The following RHBDL3 variants were observed in gnomAD, a reference collection of about 807,000 sequenced individuals.
RHBDL3 encodes rhomboid-related protein 3.
A neutral mutation model predicts 48.2 loss-of-function variants in RHBDL3; 28 were observed. The observed-to-expected ratio is 0.58, with a 90% CI of 0.43 to 0.80. The LOEUF (loss-of-function observed/expected upper bound fraction) is 0.80, where lower values mean the gene tolerates loss of function less well. Ranked by LOEUF, RHBDL3 falls within the 30% of genes least tolerant of loss-of-function variation. The pLI is 0.00. For synonymous variants in RHBDL3, 208 were observed against 232.3 expected (o/e 0.90, Z 0.95); for missense variants, 464 against 542.7 (o/e 0.85, Z 1.44).
At chr17:32,315,137 G>A (rs2040940744) in intron 7 of RHBDL3, among the ~76,000 whole-genome samples, 1 of 152,212 alleles carries the variant, frequency 6.6e-6, no homozygotes, top group African/African-American at 2.4e-5. Context: ...AGTGTTCAGG[G>A]CCTCTGTAAA....
In RHBDL3 at chr17:32,283,196, G is replaced by A. The variant is rs2040099456; in HGVS notation, c.136-1463G>A. Reference sequence around the variant, plus strand: ...CACCTTCTGAACAAGAAAGCTCCTGGCGTCCAGGAGATGCTTGGTGTTAAA... The same window carrying A: ...CACCTTCTGAACAAGAAAGCTCCTGACGTCCAGGAGATGCTTGGTGTTAAA... On this transcript the variant is annotated intron_variant, in intron 2 of 8. Coordinates refer to ENST00000269051, the MANE Select transcript of RHBDL3 (RefSeq NM_138328.3). 2.0e-5 allele frequency among the ~76,000 whole-genome samples: 3 copies of A among 152,054 alleles called. No homozygotes were observed. In the South Asian group the frequency reaches 6.2e-4, roughly 32 times the overall value.
intron 7 of RHBDL3, among the ~76,000 whole-genome samples, chr17:32,312,681 C>G (rs1478751299): frequency 6.6e-6 from 1 of 152,044 alleles, no homozygotes; most frequent in Non-Finnish European, 1.5e-5. Flanking sequence ...CCACACCCAG[C>G]TAATTTTTTT....
In RHBDL3 at chr17:32,288,934, G is replaced by T. The variant is rs762346732; in HGVS notation, c.437G>T (p.Arg146Leu). 3 of 1,614,194 alleles carry T rather than the reference G, an allele frequency of 1.9e-6. No homozygotes were observed. In the African/African-American group the frequency reaches 4.0e-5, roughly 22 times the overall value. Reference protein sequence around the residue: ...IRHVAYETLPREIDRKWYYDS... With the variant: ...IRHVAYETLPLEIDRKWYYDS... The stretch of plus-strand genomic sequence containing the variant: ...CATGTGGCCTATGAGACCCTGCCCC[G>T]GGAAATTGACCGCAAGTGGTACTAT... Residue 146 changes from arginine (R) to leucine (L), a missense_variant, in exon 4 of 9, where the codon CGG becomes CTG. Arg to Leu is a moderately radical substitution (Grantham distance 102). Coordinates refer to ENST00000269051, the MANE Select transcript of RHBDL3 (RefSeq NM_138328.3).
intron 7 of RHBDL3, among the ~76,000 whole-genome samples, chr17:32,306,348 C>T (rs1237345042): frequency 1.3e-5 from 2 of 152,026 alleles, no homozygotes; most frequent in African/African-American, 4.8e-5. Flanking sequence ...TGCTTGAACC[C>T]GGGAGGCGGA....
At position 32,321,009 on chromosome 17, in the gene RHBDL3, A is replaced by G; in HGVS notation, c.995A>G (p.Tyr332Cys). 1 of 1,614,118 alleles carries G rather than the reference A, an allele frequency of 6.2e-7. No individual in the cohort carries two copies. The highest frequency in any genetic ancestry group is 1.1e-5 in the South Asian group (1 of 91,072). Residue 332 changes from tyrosine (Y) to cysteine (C), a missense_variant, in exon 9 of 9, where the codon TAT (tyrosine) becomes TGT (cysteine). By Grantham distance (194) the Tyr-to-Cys change is radical. Coordinates refer to ENST00000269051, the MANE Select transcript of RHBDL3 (RefSeq NM_138328.3). ...TGGCTCCGCTTCCACCCGTCGGCCT[A>G]TCCCCCGTGCCCTCACCCAAGCTTT... ...AVWLRFHPSA[Y>C]PPCPHPSFVA...
At chr17:32,292,456 T>G (rs1215697830) in intron 4 of RHBDL3, among the ~76,000 whole-genome samples, 1 of 152,054 alleles carries the variant, frequency 6.6e-6, no homozygotes, top group Non-Finnish European at 1.5e-5. Context: ...TTATTCACAA[T>G]AGTCAAAAGG....
chr17:32,307,904 G>T (rs543673874), intron 7 of RHBDL3, among the ~76,000 whole-genome samples: 1 of 151,502 alleles, frequency 6.6e-6, no homozygotes, highest in South Asian at 2.1e-4. Flanking sequence ...CTCCCATTCC[G>T]CCCAAGACTT....
Position 32,301,308 on chromosome 17 carries a change from C to T in RHBDL3, c.781+3104C>T, listed in dbSNP as rs2040576957. On this transcript the variant is annotated intron_variant, in intron 6 of 8. Transcript: ENST00000269051. ...TTGGGCCGGGCAAAGTGGCTCACTC[C>T]TGTAATCCCAGCACTTTGGGAGGCT... Among the ~76,000 whole-genome samples the T allele has an allele frequency of 2.0e-5, 3 of 152,012 alleles. No individual in the cohort carries two copies. In the South Asian group the frequency reaches 6.2e-4, roughly 32 times the overall value.
chr17:32,274,159 G>A (rs1319305071), intron 2 of RHBDL3, among the ~76,000 whole-genome samples: 1 of 152,256 alleles, frequency 6.6e-6, no homozygotes, highest in African/African-American at 2.4e-5. Context: ...AGAGAGAAAG[G>A]AGAGAAGGTT....
chr17:32,317,075 G>A (rs893997945), intron 8 of RHBDL3, among the ~76,000 whole-genome samples: 3 of 151,956 alleles, frequency 2.0e-5, no homozygotes, highest in Non-Finnish European at 4.4e-5. Flanking sequence ...GTTTCACCAT[G>A]TTGGCCAGGC....
rs763442132 is a variant in RHBDL3, at chr17:32,321,006, C to T, written c.992C>T (p.Ala331Val). 3 of 1,614,068 alleles carry T rather than the reference C, an allele frequency of 1.9e-6. No homozygotes were observed. The highest frequency in any genetic ancestry group is 2.5e-6 in the Non-Finnish European group (3 of 1,180,034). ...RAVWLRFHPS[A>V]YPPCPHPSFV... Reference sequence around the variant, plus strand: ...GTGTGGCTCCGCTTCCACCCGTCGGCCTATCCCCCGTGCCCTCACCCAAGC... The same window carrying T: ...GTGTGGCTCCGCTTCCACCCGTCGGTCTATCCCCCGTGCCCTCACCCAAGC... Residue 331 changes from alanine (A) to valine (V), a missense_variant, in exon 9 of 9, where the codon GCC becomes GTC. Ala to Val is a moderately conservative substitution (Grantham distance 64, BLOSUM62 0). Coordinates refer to ENST00000269051, the MANE Select transcript of RHBDL3 (RefSeq NM_138328.3).
At chr17:32,295,809 T>C (rs1056451998) in intron 5 of RHBDL3, among the ~76,000 whole-genome samples, 1 of 152,214 alleles carries the variant, frequency 6.6e-6, no homozygotes, top group Non-Finnish European at 1.5e-5. Flanking sequence ...AGCACCTGAT[T>C]GATTTAGTAA....
intron 2 of RHBDL3, 124 bp from the exon 3 acceptor site, chr17:32,284,535 A>C (rs1053700247): frequency 1.5e-5 from 13 of 843,206 alleles, no homozygotes; most frequent in Non-Finnish European, 2.3e-5. Flanking sequence ...TCTCCCAGAC[A>C]CTGAGCCTCT....
chr17:32,298,286 G>A (rs1356601580), intron 6 of RHBDL3, 82 bp downstream of exon 6: 14 of 859,216 alleles, frequency 1.6e-5, no homozygotes, highest in Non-Finnish European at 2.3e-5. Flanking sequence ...GCAAGCCCCA[G>A]GTTTCCAGGA....
chr17:32,313,665 A>G (rs2040896479), intron 7 of RHBDL3, among the ~76,000 whole-genome samples: 1 of 147,516 alleles, frequency 6.8e-6, no homozygotes, highest in African/African-American at 2.5e-5. Flanking sequence ...ATCATACAGT[A>G]TTTAGCTTTC....
Position 32,305,434 on chromosome 17 carries a change from T to C in RHBDL3, c.875T>C (p.Ile292Thr). 1.2e-6 allele frequency: 2 copies of C among 1,605,564 alleles called. No individual in the cohort carries two copies. The highest frequency in any genetic ancestry group is 1.3e-5 in the African/African-American group (1 of 74,868). ...CTCGTCTCTGCCCATCTGGCCAACA[T>C]TGTCATGGTGAGCACCTCCCGTTCT... ...YALVSAHLAN[I>T]VMNWSGMKCQ... The change falls in exon 7 of 9, where the codon ATT (isoleucine) becomes ACT (threonine). Residue 292 changes from isoleucine (I) to threonine (T), a missense_variant. Ile to Thr is a moderately conservative substitution (Grantham distance 89). Coordinates refer to ENST00000269051, the MANE Select transcript of RHBDL3 (RefSeq NM_138328.3).
At position 32,307,509 on chromosome 17, in the gene RHBDL3, A is replaced by G. The variant is rs1052804057; in HGVS notation, c.882+2068A>G. ...AAATGCCCATTGTACATTGAGCAAG[A>G]GAAGAAAGAGCACAAGAGGGAGGGG... On this transcript the variant is annotated intron_variant, in intron 7 of 8. Coordinates refer to ENST00000269051, the MANE Select transcript of RHBDL3 (RefSeq NM_138328.3). 1.8e-4 allele frequency among the ~76,000 whole-genome samples: 28 copies of G among 152,194 alleles called. 1 individual carries two copies. The highest frequency in any genetic ancestry group is 1.5e-5 in the Non-Finnish European group (1 of 68,034).
intron 2 of RHBDL3, among the ~76,000 whole-genome samples, chr17:32,277,969 G>T (rs1034377793): frequency 2.0e-5 from 3 of 152,142 alleles, no homozygotes; most frequent in Admixed American, 6.5e-5. Flanking sequence ...GGTACCATCA[G>T]GTACCTGGTA....
Position 32,266,297 on chromosome 17 carries a change from G to A in RHBDL3, c.108G>A (p.Glu36=), listed in dbSNP as rs1430002836. Residue 36 remains glutamate, a synonymous_variant, in exon 1 of 9, where the codon GAG becomes GAA. Transcript: ENST00000269051. ...AGGAGCGGCTGCCCGCGGCGCCGGA[G>A]GACGTGAGTGCCCCCTCCCCGCCCG... ...EAEERLPAAP[E]DHWKVLFDQF... 1 of 1,449,902 alleles carries A rather than the reference G, an allele frequency of 6.9e-7. No individual in the cohort carries two copies. The highest frequency in any genetic ancestry group is 9.1e-7 in the Non-Finnish European group (1 of 1,100,924). The allele number at this position is 1,449,902 out of a possible 1,614,324, so 89.8% of individuals were successfully genotyped here. A position where few individuals can be genotyped will look rare whatever the true frequency, so the allele number is the denominator to read the frequency against.
Sources: allele counts gnomAD v4.1 joint callset (sites outside exome capture counted in the v4.1 genomes callset), GRCh38; gene constraint gnomAD v4.1.1; transcripts MANE v1.5; gene names NCBI Gene and HGNC (gene_info 2026-07-23, HGNC 2026-07-21).